Variants in KCNC1 observed in about 807,000 individuals in gnomAD.
KCNC1 encodes the protein voltage-gated potassium channel KCNC1.
A neutral mutation model predicts 43.4 loss-of-function variants in KCNC1; 8 were observed. The observed-to-expected ratio is 0.18, with a 90% CI of 0.11 to 0.33. KCNC1 has a LOEUF of 0.33. KCNC1 is among the 10% of genes least tolerant of loss of function. The probability of loss-of-function intolerance (pLI) is 1.00; values close to 1 mark genes in which losing one functional copy is unlikely to be tolerated. For missense variants in KCNC1, 420 were observed against 836.0 expected, an observed-to-expected ratio of 0.50 and a Z score of 6.14; for synonymous variants, 361 against 360.5, an observed-to-expected ratio of 1.00 and a Z score of -0.01.
rs1849299392 is a variant in KCNC1 at position 17,777,456 on chromosome 11, T to G, written c.1505-2000T>G. Reference sequence around the variant, plus strand: ...CCCCCACATCGTCATCCGCGTCCTCTCCATACTGTTTCCCTCCCCTCTCCC... The same window carrying G: ...CCCCCACATCGTCATCCGCGTCCTCGCCATACTGTTTCCCTCCCCTCTCCC... On this transcript the variant is annotated intron_variant, in intron 2 of 3. Transcript: ENST00000265969. The surrounding 1 kb of genome is among the most constrained non-coding windows in gnomAD (Gnocchi z 4.3). 11 of 985,956 alleles carry G rather than the reference T, an allele frequency of 1.1e-5. No homozygotes were observed. The highest frequency in any genetic ancestry group is 1.3e-5 in the Non-Finnish European group (11 of 829,998). The allele number at this position is 985,956 out of a possible 1,614,324, so 61.1% of individuals were successfully genotyped here. A position where few individuals can be genotyped will look rare whatever the true frequency, so the allele number is the denominator to read the frequency against.
In KCNC1 at chr11:17,781,645, T is replaced by A. The variant is rs1849348048; in HGVS notation, c.1694-25T>A. On this transcript the variant is annotated intron_variant, in intron 3 of 3. Transcript: ENST00000265969. This position sits in a 1 kb window ranked among gnomAD's most constrained non-coding sequence, Gnocchi z 5.1. The stretch of plus-strand genomic sequence containing the variant: ...GGAGAGCCAAGAAGAGAAGCTCAAG[T>A]GTTAATTGTATTCTTTACATACAGA... 1 of 1,488,270 alleles carries A rather than the reference T, an allele frequency of 6.7e-7. No individual in the cohort carries two copies. The highest frequency in any genetic ancestry group is 9.2e-7 in the Non-Finnish European group (1 of 1,089,826). 92.2% of individuals were successfully genotyped at this position (1,488,270 alleles called of 1,614,324 possible). A position where few individuals can be genotyped will look rare whatever the true frequency, so the allele number is the denominator to read the frequency against.
chr11:17,741,678 G>A (rs1450128476), intron 1 of KCNC1, among the ~76,000 whole-genome samples: 3 of 152,164 alleles, frequency 2.0e-5, no homozygotes, highest in South Asian at 2.1e-4. Context: ...TCGCCAGCCC[G>A]TGGCCCATAC....
Position 17,736,496 on chromosome 11 carries a change from C to A in KCNC1, c.494C>A (p.Pro165His). 2 of 1,593,866 alleles carry A rather than the reference C, an allele frequency of 1.3e-6. No individual in the cohort carries two copies. Among genetic ancestry groups the A allele is most frequent in the Non-Finnish European group, 1.7e-6 (2 of 1,175,472 alleles). Residue 165 changes from proline to histidine, a missense_variant, in exon 1 of 4, where the codon CCT becomes CAT. Coordinates refer to ENST00000265969, the MANE Select transcript of KCNC1 (RefSeq NM_001112741.2). The surrounding 1 kb of genome is among the most constrained non-coding windows in gnomAD (Gnocchi z 9.3). ...LALSDSPDGR[P>H]GGFWRRWQPR... Reference sequence around the variant, plus strand: ...CTCAGTGACTCCCCGGATGGCCGGCCTGGCGGCTTTTGGCGCCGCTGGCAG... The same window carrying A: ...CTCAGTGACTCCCCGGATGGCCGGCATGGCGGCTTTTGGCGCCGCTGGCAG...
rs1849256046 is a variant in KCNC1 at position 17,773,643 on chromosome 11, C to G, written c.1504+1045C>G. 1.0e-6 allele frequency: 1 copy of G among 985,244 alleles called. No individual in the cohort carries two copies. Among genetic ancestry groups the G allele is most frequent in the Non-Finnish European group, 1.2e-6 (1 of 829,928 alleles). The allele number at this position is 985,244 out of a possible 1,614,324, so 61.0% of individuals were successfully genotyped here. A position where few individuals can be genotyped will look rare whatever the true frequency, so the allele number is the denominator to read the frequency against. ...CCATGGCTAGTGGTTTGTTATGGGACTATCTCAGTTTTATGAGAACCTGCA... is the reference window on the plus strand; with the variant it reads ...CCATGGCTAGTGGTTTGTTATGGGAGTATCTCAGTTTTATGAGAACCTGCA... On this transcript the variant is annotated intron_variant, in intron 2 of 3. Transcript: ENST00000265969. This position sits in a 1 kb window ranked among gnomAD's most constrained non-coding sequence, Gnocchi z 4.1.
Position 17,778,840 on chromosome 11 carries a change from G to C in KCNC1, c.1505-616G>C, listed in dbSNP as rs369530790. Among the ~76,000 whole-genome samples the C allele has an allele frequency of 2.0e-5, 3 of 150,712 alleles. No individual in the cohort carries two copies. In the East Asian group the frequency reaches 6.0e-4, roughly 30 times the overall value. ...TTGGGTCTTTATGAGGTTGGGGTCG[G>C]GGGGGTACGGGCGCAGGCTGAGTGA... is the stretch of plus-strand genomic sequence containing the variant. On this transcript the variant is annotated intron_variant, in intron 2 of 3. Coordinates refer to ENST00000265969, the MANE Select transcript of KCNC1 (RefSeq NM_001112741.2).
rs189046428 is a variant in KCNC1, at chr11:17,776,643, G to A, written c.1505-2813G>A. 8.7e-5 allele frequency: 86 copies of A among 985,376 alleles called. No individual in the cohort carries two copies. In the African/African-American group the frequency reaches 1.4e-3, roughly 16 times the overall value. The allele number at this position is 985,376 out of a possible 1,614,324, so 61.0% of individuals were successfully genotyped here. On this transcript the variant is annotated intron_variant, in intron 2 of 3. Coordinates refer to ENST00000265969, the MANE Select transcript of KCNC1 (RefSeq NM_001112741.2). The surrounding 1 kb of genome is among the most constrained non-coding windows in gnomAD (Gnocchi z 4.4). The stretch of plus-strand genomic sequence containing the variant: ...ACTGCAGGCCTGTGGGTCTAGTGGG[G>A]GCCTGGGGGCCCTGGGCTGGGGGAG...
At chr11:17,748,275 G>T (rs1229121944) in intron 1 of KCNC1, among the ~76,000 whole-genome samples, 1 of 152,182 alleles carries the variant, frequency 6.6e-6, no homozygotes, top group African/African-American at 2.4e-5. Context: ...GGGCAGCAGA[G>T]GAAGTGAGAT....
chr11:17,775,308 C>T, intron 2 of KCNC1: 1 of 985,454 alleles, frequency 1.0e-6, no homozygotes, highest in East Asian at 1.1e-4. Flanking sequence ...GGCCAGCCCC[C>T]AGTGGTGCCA....
intron 1 of KCNC1, among the ~76,000 whole-genome samples, chr11:17,763,652 CCA>C (rs1341126590): frequency 3.8e-4 from 35 of 91,220 alleles, no homozygotes; most frequent in African/African-American, 1.3e-3. Flanking sequence ...CCACACCACA[CCA>C]CACGCAATAA....
chr11:17,768,848 G>A (rs1033926443), intron 1 of KCNC1, among the ~76,000 whole-genome samples: 2 of 152,260 alleles, frequency 1.3e-5, no homozygotes, highest in Non-Finnish European at 2.9e-5. Context: ...TGAACGCCAA[G>A]CTCCAGAATG....
At position 17,742,701 on chromosome 11, in the gene KCNC1, G is replaced by A. The variant is rs1185995105; in HGVS notation, c.570+6129G>A. 6.6e-6 allele frequency among the ~76,000 whole-genome samples: 1 copy of A among 152,176 alleles called. No homozygotes were observed. ...AATGGGTGCTCCCAGGCTACCTCTAGTCAATATTTTCATTCAGTGAAAATA... is the reference window on the plus strand; with the variant it reads ...AATGGGTGCTCCCAGGCTACCTCTAATCAATATTTTCATTCAGTGAAAATA... On this transcript the variant is annotated intron_variant, in intron 1 of 3. Coordinates refer to ENST00000265969, the MANE Select transcript of KCNC1 (RefSeq NM_001112741.2). This position sits in a 1 kb window ranked among gnomAD's most constrained non-coding sequence, Gnocchi z 4.2.
intron 1 of KCNC1, among the ~76,000 whole-genome samples, chr11:17,740,074 G>A (rs1848820969): frequency 2.6e-5 from 4 of 152,202 alleles, no homozygotes; most frequent in African/African-American, 7.2e-5. Flanking sequence ...TCCCTGAGGA[G>A]CTGCCACCTA....
rs562004910 is a variant in KCNC1, at chr11:17,782,156, C to T, written c.*422C>T. On this transcript the variant is annotated 3_prime_UTR_variant, in exon 4 of 4. Coordinates refer to ENST00000265969, the MANE Select transcript of KCNC1 (RefSeq NM_001112741.2). ...ACACGTTGTTGGAGCCAAACTGTAA[C>T]GGCGTTCAGTAGAAACCTGTACATT... 2.5e-5 allele frequency: 4 copies of T among 161,314 alleles called. No individual in the cohort carries two copies. The highest frequency in any genetic ancestry group is 1.8e-4 in the East Asian group (1 of 5,616). The allele number at this position is 161,314 out of a possible 1,614,324, so 10.0% of individuals were successfully genotyped here.
chr11:17,761,079 C>A (rs1395867440), intron 1 of KCNC1, among the ~76,000 whole-genome samples: 1 of 152,168 alleles, frequency 6.6e-6, no homozygotes, highest in Non-Finnish European at 1.5e-5. Flanking sequence ...AGCATGGGGA[C>A]AGGAAGTCCC....
chr11:17,779,453 A>G lies in KCNC1; in HGVS notation c.1505-3A>G. On this transcript the variant is annotated splice_polypyrimidine_tract_variant and splice_region_variant and intron_variant, in intron 2 of 3. Coordinates refer to ENST00000265969, the MANE Select transcript of KCNC1 (RefSeq NM_001112741.2). The surrounding 1 kb of genome is among the most constrained non-coding windows in gnomAD (Gnocchi z 7.2). ...TCAATAGCTTCTGCTTATATGTTTG[A>G]AGATTCCAAACTGAATGGGGAGGTG... 6.5e-7 allele frequency: 1 copy of G among 1,540,150 alleles called. No homozygotes were observed. Among genetic ancestry groups the G allele is most frequent in the Non-Finnish European group, 8.8e-7 (1 of 1,142,104 alleles).
At chr11:17,764,820 AGCATTCCCGGCCC>A (rs1308053471) in intron 1 of KCNC1, among the ~76,000 whole-genome samples, 1 of 148,840 alleles carries the variant, frequency 6.7e-6, no homozygotes, top group Non-Finnish European at 1.5e-5. Flanking sequence ...GCACACTGTG[AGCATTCCCGGCCC>A]GCGGAAGTCC....
At chr11:17,757,501 C>T (rs991638697) in intron 1 of KCNC1, among the ~76,000 whole-genome samples, 4 of 152,244 alleles carry the variant, frequency 2.6e-5, no homozygotes, top group South Asian at 2.1e-4. Context: ...GGTTCAAAGA[C>T]GGAATGAATG....
chr11:17,772,044 G>T lies in KCNC1; in HGVS notation c.950G>T (p.Arg317Leu). 1 of 1,611,552 alleles carries T rather than the reference G, an allele frequency of 6.2e-7. No individual in the cohort carries two copies. The change falls in exon 2 of 4, where the codon CGC becomes CTC. Residue 317 changes from arginine (R) to leucine (L), a missense_variant. This residue lies in a region of KCNC1 where 58 missense variants were observed against 256.9 expected (regional missense o/e 0.23). Coordinates refer to ENST00000265969, the MANE Select transcript of KCNC1 (RefSeq NM_001112741.2). ...TTCCTGCGCGTCGTCCGCTTCGTGCGCATCTTGCGCATCTTTAAGCTGACC... is the reference window on the plus strand; with the variant it reads ...TTCCTGCGCGTCGTCCGCTTCGTGCTCATCTTGCGCATCTTTAAGCTGACC... ...LGFLRVVRFV[R>L]ILRIFKLTRH...
rs572070952 is a variant in KCNC1 at position 17,781,832 on chromosome 11, G to T, written c.*98G>T. The T allele has an allele frequency of 6.9e-5, 60 of 864,324 alleles. No homozygotes were observed. The highest frequency in any genetic ancestry group is 2.6e-4 in the Middle Eastern group (1 of 3,898). The allele number at this position is 864,324 out of a possible 1,614,324, so 53.5% of individuals were successfully genotyped here. ...GACAGAGTAAATTCACGCCATGCAG[G>T]TTTGCCGGACGAGTCCGAGTGGCCC... On this transcript the variant is annotated 3_prime_UTR_variant, in exon 4 of 4. Coordinates refer to ENST00000265969, the MANE Select transcript of KCNC1 (RefSeq NM_001112741.2). This position sits in a 1 kb window ranked among gnomAD's most constrained non-coding sequence, Gnocchi z 5.1.
Sources: gnomAD v4.1 joint callset for allele counts (sites outside exome capture counted in the v4.1 genomes callset) on GRCh38, gnomAD v4.1.1 for gene constraint, gnomAD v4.1.1 regional missense constraint, Gnocchi (gnomAD v3.1) non-coding constraint, MANE v1.5 for transcripts, NCBI Gene and HGNC (gene_info 2026-07-23, HGNC 2026-07-21) for gene names.